ACTR3C: variants seen among roughly 807,000 people sequenced by gnomAD.
ACTR3C encodes actin-related protein 3C.
A neutral mutation model predicts 26.3 loss-of-function variants in ACTR3C; 18 were observed. The observed-to-expected ratio is 0.68, with a 90% CI of 0.47 to 1.01. The LOEUF (loss-of-function observed/expected upper bound fraction) is 1.01, where lower values mean the gene tolerates loss of function less well. Among genes scored for constraint, ACTR3C ranks in the 50% least tolerant of loss-of-function variants. The pLI, the probability that ACTR3C is intolerant of heterozygous loss-of-function variation, is 0.00. For missense variants in ACTR3C, 184 were observed against 250.7 expected (o/e 0.73, Z 1.80); for synonymous variants, 55 against 94.5 (o/e 0.58, Z 2.42).
the ACTR3C span, among the ~76,000 whole-genome samples, chr7:149,955,558 A>G: frequency 6.6e-6 from 1 of 152,180 alleles, no homozygotes; most frequent in Non-Finnish European, 1.5e-5. Context: ...GGGCGGGGAA[A>G]AGAGTCGTAA....
the ACTR3C span, among the ~76,000 whole-genome samples, chr7:150,231,887 T>C: frequency 6.6e-6 from 1 of 152,140 alleles, no homozygotes; most frequent in Non-Finnish European, 1.5e-5. Context: ...TTATATCATA[T>C]TGATTGATAG....
At chr7:149,926,206 A>T in the ACTR3C span, among the ~76,000 whole-genome samples, 1 of 152,236 alleles carries the variant, frequency 6.6e-6, no homozygotes, top group Non-Finnish European at 1.5e-5. Flanking sequence ...TTTGCATGGT[A>T]AAAGACAAAT....
intron 6 of ACTR3C, among the ~76,000 whole-genome samples, chr7:150,281,391 C>T (rs954274146): frequency 1.3e-5 from 2 of 150,582 alleles, no homozygotes; most frequent in African/African-American, 4.9e-5. Context: ...CACTAAGGAG[C>T]AGGAGTTACA....
At chr7:150,238,029 ACTT>A in the ACTR3C span, among the ~76,000 whole-genome samples, 3 of 150,238 alleles carry the variant, frequency 2.0e-5, no homozygotes, top group Admixed American at 6.6e-5. Flanking sequence ...TTCCCACTGA[ACTT>A]CTTGAATGTG....
the ACTR3C span, among the ~76,000 whole-genome samples, chr7:150,084,270 G>T: frequency 1.3e-5 from 2 of 151,778 alleles, no homozygotes; most frequent in Non-Finnish European, 2.9e-5. Flanking sequence ...TTTAAAAACT[G>T]AATGTTTCCA....
At chr7:150,169,520 C>A in the ACTR3C span, among the ~76,000 whole-genome samples, 1 of 150,324 alleles carries the variant, frequency 6.7e-6, no homozygotes, top group Non-Finnish European at 1.5e-5. Context: ...TATCTGCTGG[C>A]ACCTTGATCT....
At chr7:149,951,635 C>T in the ACTR3C span, among the ~76,000 whole-genome samples, 1 of 152,084 alleles carries the variant, frequency 6.6e-6, no homozygotes, top group Admixed American at 6.5e-5. Flanking sequence ...GTCTCTCTAG[C>T]CGCCTCCTCT....
chr7:150,299,663 G>A (rs1408993278), intron 1 of ACTR3C, among the ~76,000 whole-genome samples: 1 of 151,924 alleles, frequency 6.6e-6, no homozygotes, highest in African/African-American at 2.4e-5. Context: ...GTGCACGCCT[G>A]TAATCCCAGC....
the ACTR3C span, among the ~76,000 whole-genome samples, chr7:150,064,007 G>A: frequency 3.3e-5 from 5 of 151,982 alleles, no homozygotes; most frequent in East Asian, 1.9e-4. Flanking sequence ...TTGCTTGAAC[G>A]GGTAAAATGC....
the ACTR3C span, among the ~76,000 whole-genome samples, chr7:149,882,753 T>G: frequency 1.3e-5 from 2 of 152,192 alleles, no homozygotes; most frequent in Non-Finnish European, 2.9e-5. Context: ...CTGAGCTCCA[T>G]TCAGATCTGT....
the ACTR3C span, among the ~76,000 whole-genome samples, chr7:150,037,897 C>T: frequency 1.0e-4 from 13 of 129,078 alleles, 2 homozygotes; most frequent in South Asian, 1.2e-3. Flanking sequence ...GGAAGAGGGG[C>T]TCGCTCTCAG....
intron 1 of ACTR3C, among the ~76,000 whole-genome samples, chr7:150,319,473 C>T (rs1399628287): frequency 2.6e-5 from 4 of 152,170 alleles, no homozygotes; most frequent in African/African-American, 9.7e-5. Context: ...TCCCAAAGTG[C>T]TGGGATTATA....
At chr7:150,219,972 G>C in the ACTR3C span, among the ~76,000 whole-genome samples, 1 of 146,546 alleles carries the variant, frequency 6.8e-6, no homozygotes, top group Non-Finnish European at 1.5e-5. Context: ...CGCAAAGCAG[G>C]GTAGGATCTC....
At chr7:150,288,732 G>A (rs1173956936) in intron 4 of ACTR3C, among the ~76,000 whole-genome samples, 1 of 146,152 alleles carries the variant, frequency 6.8e-6, no homozygotes, top group African/African-American at 2.6e-5. Flanking sequence ...AAGGGACCAC[G>A]TCTTCCCCAC....
intron 1 of ACTR3C, among the ~76,000 whole-genome samples, chr7:150,299,487 A>AAAAC (rs1563196668): frequency 6.3e-5 from 9 of 143,622 alleles, no homozygotes; most frequent in African/African-American, 2.5e-4. Context: ...AAAAAAAAAA[A>AAAAC]AAAAAAACAA....
At chr7:150,204,701 G>A in the ACTR3C span, among the ~76,000 whole-genome samples, 2 of 152,182 alleles carry the variant, frequency 1.3e-5, no homozygotes, top group Non-Finnish European at 2.9e-5. Context: ...GAGGAGCAAG[G>A]AACATGCCAG....
the ACTR3C span, chr7:150,074,237 T>G: frequency 6.6e-6 from 1 of 152,296 alleles, no homozygotes; most frequent in South Asian, 2.1e-4. Context: ...TAAAGCTTGA[T>G]GATTCACTAG....
chr7:150,149,618 T>G, the ACTR3C span, among the ~76,000 whole-genome samples: 1 of 151,836 alleles, frequency 6.6e-6, no homozygotes, highest in African/African-American at 2.4e-5. Context: ...TTGTGATATT[T>G]TGCTCAGAAT....
chr7:150,034,797 C>G, the ACTR3C span, among the ~76,000 whole-genome samples: 6 of 150,742 alleles, frequency 4.0e-5, no homozygotes, highest in Admixed American at 1.3e-4. Context: ...GGGTCTGGCT[C>G]TCAGTCCCCG....
Sources: allele counts gnomAD v4.1 joint callset (sites outside exome capture counted in the v4.1 genomes callset), GRCh38; gene constraint gnomAD v4.1.1; transcripts MANE v1.5; gene names NCBI Gene and HGNC (gene_info 2026-07-23, HGNC 2026-07-21).